KLF12: variants seen among roughly 807,000 people sequenced by gnomAD.
The protein encoded by KLF12 is KLF transcription factor 12, also known as Krueppel-like factor 12.
A neutral mutation model predicts 37.8 loss-of-function variants in KLF12; 9 were observed. The observed-to-expected ratio is 0.24, with a 90% confidence interval of 0.14 to 0.42. The LOEUF (loss-of-function observed/expected upper bound fraction) is 0.42, where lower values mean the gene tolerates loss of function less well. Ranked by LOEUF, KLF12 falls within the 10% of genes least tolerant of loss-of-function variation. KLF12 has a pLI of 1.00. For synonymous variants in KLF12, 208 were observed against 202.1 expected, an observed-to-expected ratio of 1.03 and a Z score of -0.25; for missense variants, 411 against 516.0, an observed-to-expected ratio of 0.80 and a Z score of 1.97.
intron 1 of KLF12, among the ~76,000 whole-genome samples, chr13:74,075,165 A>G (rs1410249148): frequency 6.6e-6 from 1 of 152,184 alleles, no homozygotes; most frequent in Non-Finnish European, 1.5e-5. Flanking sequence ...CAGAGCAGGA[A>G]TTTACTAAGC....
chr13:73,898,369 G>T lies in KLF12; in HGVS notation c.123+45612C>A, dbSNP rs140449344. Among the ~76,000 whole-genome samples the T allele has an allele frequency of 1.8e-4, 28 of 152,198 alleles. No individual in the cohort carries two copies. In the East Asian group the frequency reaches 5.4e-3, roughly 29 times the overall value. On this transcript the variant is annotated intron_variant, in intron 3 of 7. Transcript: ENST00000377669. The stretch of plus-strand genomic sequence containing the variant: ...TTTTCTTAAAGAAAACCTTATTACA[G>T]GATACTTGTAGAATGTTTCCTATTA...
chr13:73,801,565 C>A (rs375445426), intron 5 of KLF12: 2 of 151,974 alleles, frequency 1.3e-5, no homozygotes, highest in South Asian at 2.1e-4. Flanking sequence ...AGAAAAATAT[C>A]TATGAGAAGT....
At chr13:74,005,519 C>T (rs1187052214) in intron 1 of KLF12, among the ~76,000 whole-genome samples, 1 of 152,118 alleles carries the variant, frequency 6.6e-6, no homozygotes, top group Non-Finnish European at 1.5e-5. Context: ...ACAGTAGGCA[C>T]CAGGTGTGTG....
intron 5 of KLF12, among the ~76,000 whole-genome samples, chr13:73,785,074 C>T (rs959170241): frequency 2.0e-5 from 3 of 151,632 alleles, no homozygotes; most frequent in East Asian, 1.9e-4. Context: ...TTTTTCCTCC[C>T]TTGGTTATCT....
chr13:73,720,963 C>A (rs1876196306), intron 6 of KLF12, among the ~76,000 whole-genome samples: 1 of 152,134 alleles, frequency 6.6e-6, no homozygotes, highest in Admixed American at 6.5e-5. Context: ...AAAACCAGAG[C>A]AGAAAACACT....
intron 3 of KLF12, among the ~76,000 whole-genome samples, chr13:73,850,593 T>C (rs1465244953): frequency 2.6e-5 from 4 of 152,180 alleles, no homozygotes; most frequent in Non-Finnish European, 4.4e-5. Flanking sequence ...CCTCCAGGGA[T>C]TTTTCTGTGT....
intron 7 of KLF12, among the ~76,000 whole-genome samples, chr13:73,714,329 A>C (rs1204651989): frequency 4.6e-5 from 7 of 152,176 alleles, no homozygotes; most frequent in Non-Finnish European, 1.0e-4. Context: ...ACATGGGCTA[A>C]ATGGAAAATG....
intron 3 of KLF12, among the ~76,000 whole-genome samples, chr13:73,869,362 C>A (rs1164874654): frequency 2.0e-5 from 3 of 152,016 alleles, no homozygotes; most frequent in African/African-American, 7.2e-5. Flanking sequence ...TGTCCACAAA[C>A]TAAAAAATAC....
At chr13:74,110,725 T>C (rs980846969) in intron 1 of KLF12, among the ~76,000 whole-genome samples, 1 of 152,168 alleles carries the variant, frequency 6.6e-6, no homozygotes, top group Non-Finnish European at 1.5e-5. Flanking sequence ...TTAAATTTAC[T>C]TGGGACCCTG....
chr13:73,754,476 G>A (rs1297559358), intron 6 of KLF12, among the ~76,000 whole-genome samples: 2 of 152,134 alleles, frequency 1.3e-5, no homozygotes, highest in African/African-American at 4.8e-5. Context: ...AAGGAAAAGA[G>A]CATCAGCCAC....
chr13:74,224,576 A>G, the KLF12 span, among the ~76,000 whole-genome samples: 5 of 152,192 alleles, frequency 3.3e-5, no homozygotes, highest in Admixed American at 3.3e-4. Flanking sequence ...CAGTTTTATT[A>G]CATACGTTGT....
chr13:73,784,381 A>G (rs1277974332), intron 5 of KLF12, among the ~76,000 whole-genome samples: 1 of 152,050 alleles, frequency 6.6e-6, no homozygotes, highest in Non-Finnish European at 1.5e-5. Flanking sequence ...ACTATTTCAC[A>G]TCACTTCTCT....
intron 2 of KLF12, among the ~76,000 whole-genome samples, chr13:73,951,255 A>G (rs1369179589): frequency 6.6e-6 from 1 of 152,238 alleles, no homozygotes; most frequent in African/African-American, 2.4e-5. Context: ...ATTGAAGGCC[A>G]GTCACTGTTC....
chr13:73,937,644 A>G (rs1890009726), intron 3 of KLF12, among the ~76,000 whole-genome samples: 1 of 152,220 alleles, frequency 6.6e-6, no homozygotes, highest in African/African-American at 2.4e-5. Flanking sequence ...AAGAGAAAGT[A>G]CATTGCTAAA....
At position 73,859,868 on chromosome 13, in the gene KLF12, G is replaced by A. The variant is rs182102707; in HGVS notation, c.124-13495C>T. Among the ~76,000 whole-genome samples the A allele has an allele frequency of 5.5e-4, 83 of 151,748 alleles. No individual in the cohort carries two copies. The East Asian group carries it at 0.013, about 23-fold the overall frequency. On this transcript the variant is annotated intron_variant, in intron 3 of 7. Coordinates refer to ENST00000377669, the MANE Select transcript of KLF12 (RefSeq NM_007249.5). The stretch of plus-strand genomic sequence containing the variant: ...TTAGATTTGAAAGCGAGTACAATTA[G>A]CATTGTAAGCAGAAAAATCAGCTCA...
intron 3 of KLF12, among the ~76,000 whole-genome samples, chr13:73,922,503 T>C (rs1204214387): frequency 6.6e-6 from 1 of 152,212 alleles, no homozygotes; most frequent in Non-Finnish European, 1.5e-5. Flanking sequence ...ATGTGTAAGA[T>C]TTTATACAAT....
chr13:73,886,305 C>G (rs1038478125), intron 3 of KLF12, among the ~76,000 whole-genome samples: 6 of 152,178 alleles, frequency 3.9e-5, no homozygotes, highest in African/African-American at 1.4e-4. Flanking sequence ...TAATTCTCTC[C>G]ACTTACCTTT....
At chr13:73,863,440 G>A (rs566908692) in intron 3 of KLF12, among the ~76,000 whole-genome samples, 1 of 148,934 alleles carries the variant, frequency 6.7e-6, no homozygotes, top group South Asian at 2.1e-4. Context: ...ACTTACAACA[G>A]TGCTAATATT....
intron 4 of KLF12, among the ~76,000 whole-genome samples, chr13:73,842,694 AT>A (rs1477349844): frequency 6.6e-6 from 1 of 152,204 alleles, no homozygotes; most frequent in African/African-American, 2.4e-5. Flanking sequence ...TTGTATTTTT[AT>A]TATTAGCATT....
Sources: allele counts gnomAD v4.1 joint callset (sites outside exome capture counted in the v4.1 genomes callset), GRCh38; gene constraint gnomAD v4.1.1; transcripts MANE v1.5; gene names NCBI Gene and HGNC (gene_info 2026-07-23, HGNC 2026-07-21).